Variants in USP28 observed in about 807,000 individuals in gnomAD.
USP28 encodes the protein ubiquitin carboxyl-terminal hydrolase 28.
In USP28, 113 loss-of-function variants were observed where a neutral mutation model predicts 145.0. That is an observed-to-expected ratio of 0.78 (90% confidence interval 0.67 to 0.91). The LOEUF is 0.91. USP28 is among the 40% of genes least tolerant of loss of function. The pLI is 0.00. For synonymous variants in USP28, 447 were observed against 450.9 expected, an observed-to-expected ratio of 0.99 and a Z score of 0.11; for missense variants, 1,201 against 1,289.6, an observed-to-expected ratio of 0.93 and a Z score of 1.05.
At chr11:113,809,621 A>C (rs965502843) in intron 16 of USP28, among the ~76,000 whole-genome samples, 1 of 152,264 alleles carries the variant, frequency 6.6e-6, no homozygotes, top group South Asian at 2.1e-4. Flanking sequence ...TTGGATATTC[A>C]CATGTGGGAT....
At chr11:113,849,691 A>G (rs759751760) in intron 3 of USP28, among the ~76,000 whole-genome samples, 1 of 152,158 alleles carries the variant, frequency 6.6e-6, no homozygotes, top group Non-Finnish European at 1.5e-5. Flanking sequence ...GAGTCTAGAC[A>G]TGTTCCTTTT....
At chr11:113,863,727 C>A (rs796638192) in intron 1 of USP28, among the ~76,000 whole-genome samples, 68 of 151,264 alleles carry the variant, frequency 4.5e-4, no homozygotes, top group African/African-American at 1.5e-3. Context: ...GGCCGGATCA[C>A]AAGGTCAGGA....
intron 21 of USP28, among the ~76,000 whole-genome samples, chr11:113,804,352 T>A (rs1273615120): frequency 2.6e-5 from 4 of 152,240 alleles, no homozygotes; most frequent in Admixed American, 2.0e-4. Context: ...TAGCTATGTA[T>A]TTTAATGCGT....
At chr11:113,812,962 G>C (rs762906242) in intron 15 of USP28, among the ~76,000 whole-genome samples, 4 of 152,268 alleles carry the variant, frequency 2.6e-5, no homozygotes, top group Non-Finnish European at 4.4e-5. Flanking sequence ...ATGCTTCTTA[G>C]AGTTAAGTGA....
chr11:113,863,490 C>T (rs1294795217), intron 1 of USP28, among the ~76,000 whole-genome samples: 1 of 151,260 alleles, frequency 6.6e-6, no homozygotes, highest in African/African-American at 2.4e-5. Context: ...ACAGAAAACA[C>T]AAAAATTAGT....
intron 9 of USP28, 23 bp from the exon 10 acceptor site, chr11:113,829,368 T>C (rs1436914303): frequency 3.1e-6 from 5 of 1,609,948 alleles, no homozygotes; most frequent in Non-Finnish European, 4.2e-6. Context: ...AGAGACTTTT[T>C]AAAAAAGACA....
intron 5 of USP28, among the ~76,000 whole-genome samples, chr11:113,840,216 C>G (rs527253931): frequency 6.6e-6 from 1 of 152,102 alleles, no homozygotes; most frequent in Non-Finnish European, 1.5e-5. Context: ...ATCTCCTCAG[C>G]GCCTCAAGAA....
intron 1 of USP28, among the ~76,000 whole-genome samples, chr11:113,865,659 C>A (rs536336880): frequency 1.9e-4 from 29 of 152,292 alleles, no homozygotes; most frequent in African/African-American, 6.5e-4. Flanking sequence ...AAGAATCACA[C>A]TGGACCCCTA....
chr11:113,870,985 G>A (rs1337249044), intron 1 of USP28, among the ~76,000 whole-genome samples: 1 of 152,160 alleles, frequency 6.6e-6, no homozygotes, highest in Admixed American at 6.5e-5. Flanking sequence ...ACGGTAAAAT[G>A]GAAAATGCAA....
chr11:113,833,342 C>T (rs1027906687), intron 7 of USP28, 78 bp downstream of exon 7: 61 of 1,538,972 alleles, frequency 4.0e-5, no homozygotes, highest in African/African-American at 7.0e-5. Context: ...CAGCTTGTTA[C>T]GCAGTTGAAA....
exon 25 of USP28, chr11:113,798,035 CATAT>C (rs139747896): frequency 1.4e-5 from 2 of 141,914 alleles, no homozygotes; most frequent in African/African-American, 5.2e-5. Context: ...TCTACATATA[CATAT>C]ATATATAGTT....
intron 19 of USP28, among the ~76,000 whole-genome samples, chr11:113,805,283 T>A (rs1939757359): frequency 6.8e-6 from 1 of 147,298 alleles, no homozygotes; most frequent in Admixed American, 6.9e-5. Flanking sequence ...TGAGACAGAG[T>A]ATCACTTTGT....
At chr11:113,798,544 GATGATCTTCAGTCAAGTTACACA>G (rs1018319084) in exon 25 of USP28, 1 of 152,578 alleles carries the variant, frequency 6.6e-6, no homozygotes, top group African/African-American at 2.4e-5. Context: ...ACTATTAATG[GATGATCTTCAGTCAAGTTACACA>G]ATGCTCTTCT....
intron 1 of USP28, among the ~76,000 whole-genome samples, chr11:113,855,529 T>C (rs182873306): frequency 3.3e-5 from 5 of 152,346 alleles, no homozygotes; most frequent in Admixed American, 1.3e-4. Flanking sequence ...CCAGCTATAA[T>C]AGAAACAGTA....
intron 7 of USP28, among the ~76,000 whole-genome samples, 178 bp from the exon 8 acceptor site, chr11:113,832,171 G>A (rs1471276330): frequency 4.6e-5 from 7 of 151,950 alleles, no homozygotes; most frequent in Admixed American, 3.3e-4. Context: ...GTGCAGTGGC[G>A]CGATCTCAGC....
intron 23 of USP28, 103 bp from the exon 25 acceptor site, chr11:113,801,781 G>T: frequency 1.1e-6 from 1 of 923,436 alleles, no homozygotes; most frequent in Non-Finnish European, 1.6e-6. Flanking sequence ...CTGCACATTG[G>T]ATGTACTTAG....
At chr11:113,852,280 G>A (rs1356313109) in intron 3 of USP28, among the ~76,000 whole-genome samples, 2 of 152,216 alleles carry the variant, frequency 1.3e-5, no homozygotes, top group Non-Finnish European at 2.9e-5. Flanking sequence ...CGCCTGCCTC[G>A]GCCTCCCAAA....
chr11:113,818,594 C>T (rs1271289094), intron 12 of USP28, among the ~76,000 whole-genome samples: 1 of 152,102 alleles, frequency 6.6e-6, no homozygotes. Context: ...CATGGTGACT[C>T]ATGCTTGTAA....
At chr11:113,840,787 A>G (rs576896496) in intron 4 of USP28, 30 bp from the exon 5 acceptor site, 1 of 1,589,796 alleles carries the variant, frequency 6.3e-7, no homozygotes, top group East Asian at 2.2e-5. Flanking sequence ...ACACAGCAAA[A>G]AAGAAAATAG....
Sources: gnomAD v4.1 joint callset for allele counts (sites outside exome capture counted in the v4.1 genomes callset) on GRCh38, gnomAD v4.1.1 for gene constraint, MANE v1.5 for transcripts, NCBI Gene and HGNC (gene_info 2026-07-23, HGNC 2026-07-21) for gene names.